The following STRBP variants were observed in gnomAD, a reference collection of about 807,000 sequenced individuals.
The protein encoded by STRBP is spermatid perinuclear RNA binding protein.
STRBP carries 13 observed loss-of-function variants against 80.1 expected under a neutral mutation model. That is an observed-to-expected ratio of 0.16 (90% confidence interval 0.11 to 0.26). The LOEUF is 0.26. Among genes scored for constraint, STRBP ranks in the 10% least tolerant of loss-of-function variants. The pLI is 1.00. For missense variants in STRBP, 485 were observed against 815.2 expected, an observed-to-expected ratio of 0.59 and a Z score of 4.93; for synonymous variants, 284 against 291.2, an observed-to-expected ratio of 0.98 and a Z score of 0.25.
At position 123,147,696 on chromosome 9, in the gene STRBP, A is replaced by AC. The variant is rs1224197763; in HGVS notation, c.1138+81_1138+82insG. On this transcript the variant is annotated intron_variant, in intron 12 of 18. Transcript: ENST00000348403. ...CGATCTCAAAAAAAAAAAAAAAAAAAAAACCCTTCACTTTTAATTTTTCTA... is the reference window on the plus strand; with the variant it reads ...CGATCTCAAAAAAAAAAAAAAAAAAACAAACCCTTCACTTTTAATTTTTCTA... The AC allele has an allele frequency of 1.3e-4, 145 of 1,158,496 alleles. No homozygotes were observed. In the East Asian group the frequency reaches 3.9e-3, roughly 31 times the overall value. 71.8% of individuals were successfully genotyped at this position (1,158,496 alleles called of 1,614,324 possible).
intron 17 of STRBP, 57 bp from the exon 18 acceptor site, chr9:123,128,315 C>G: frequency 6.2e-7 from 1 of 1,601,642 alleles, no homozygotes; most frequent in African/African-American, 1.3e-5. Context: ...TCATCACTGG[C>G]CCAATTCACA....
intron 2 of STRBP, among the ~76,000 whole-genome samples, chr9:123,222,165 T>C (rs775523752): frequency 7.3e-5 from 11 of 151,364 alleles, no homozygotes; most frequent in African/African-American, 1.7e-4. Context: ...TATGAAATCA[T>C]GGCAGTGTTT....
chr9:123,207,781 A>G (rs1588102672), intron 2 of STRBP, among the ~76,000 whole-genome samples: 2 of 147,346 alleles, frequency 1.4e-5, no homozygotes, highest in Admixed American at 6.7e-5. Context: ...CACATAATAC[A>G]TATCTGAGCT....
chr9:123,250,693 C>A (rs1468788813), intron 1 of STRBP, among the ~76,000 whole-genome samples: 1 of 152,178 alleles, frequency 6.6e-6, no homozygotes, highest in Non-Finnish European at 1.5e-5. Context: ...AAATGTTTTG[C>A]ACTCATTTTG....
At chr9:123,227,374 T>A (rs573835002) in intron 2 of STRBP, among the ~76,000 whole-genome samples, 1 of 151,948 alleles carries the variant, frequency 6.6e-6, no homozygotes, top group Non-Finnish European at 1.5e-5. Context: ...ACACACCTGT[T>A]TGAAGAAGAG....
At chr9:123,266,589 A>G (rs922405623) in intron 1 of STRBP, among the ~76,000 whole-genome samples, 2 of 151,580 alleles carry the variant, frequency 1.3e-5, no homozygotes, top group African/African-American at 2.4e-5. Flanking sequence ...AAGTGTTCCA[A>G]TCTCTCCCCA....
chr9:123,168,340 T>C (rs1383738180), intron 6 of STRBP: 3 of 300,878 alleles, frequency 1.0e-5, no homozygotes, highest in East Asian at 1.7e-4. Context: ...TTTTAATGCA[T>C]AGGCATAAGC....
chr9:123,152,972 TATC>T (rs1482494961), intron 11 of STRBP, among the ~76,000 whole-genome samples: 1 of 152,164 alleles, frequency 6.6e-6, no homozygotes, highest in Non-Finnish European at 1.5e-5. Context: ...GATCTCTCCT[TATC>T]ATCTTTGCAA....
chr9:123,173,005 G>C (rs1044685009), intron 5 of STRBP, among the ~76,000 whole-genome samples: 3 of 152,098 alleles, frequency 2.0e-5, no homozygotes, highest in African/African-American at 2.4e-5. Flanking sequence ...AACTGAAGAT[G>C]ATCACAGACT....
At chr9:123,137,769 TC>T (rs1351299650) in intron 14 of STRBP, among the ~76,000 whole-genome samples, 1 of 152,174 alleles carries the variant, frequency 6.6e-6, no homozygotes, top group Non-Finnish European at 1.5e-5. Context: ...AGTAAAGTAT[TC>T]CGTGCAGTTT....
intron 2 of STRBP, among the ~76,000 whole-genome samples, chr9:123,192,140 C>G (rs2038946824): frequency 6.6e-6 from 1 of 152,126 alleles, no homozygotes; most frequent in South Asian, 2.1e-4. Context: ...AGAAATTCAG[C>G]TTTGGACATG....
In STRBP at chr9:123,121,980, G is replaced by T; in HGVS notation, c.*3617C>A. ...ACACACACACACACACACACTTAGT[G>T]TAAGTGAAATGTCTGTCTTGAGTAA... On this transcript the variant is annotated 3_prime_UTR_variant, in exon 19 of 19. Transcript: ENST00000348403. 5.3e-6 allele frequency: 1 copy of T among 190,262 alleles called. No individual in the cohort carries two copies. Among genetic ancestry groups the T allele is most frequent in the Admixed American group, 5.7e-5 (1 of 17,604 alleles). 11.8% of individuals were successfully genotyped at this position (190,262 alleles called of 1,614,324 possible).
chr9:123,231,547 TA>T lies in STRBP; in HGVS notation c.-165+5282del, dbSNP rs1312744159. ...CTCCCATATTTCTTATCTTGGCTAGTATACCAATTAATCCAGTTACTCAAGT... is the reference window on the plus strand; with the variant it reads ...CTCCCATATTTCTTATCTTGGCTAGTTACCAATTAATCCAGTTACTCAAGT... On this transcript the variant is annotated intron_variant, in intron 2 of 18. Transcript: ENST00000348403. 5.3e-5 allele frequency among the ~76,000 whole-genome samples: 8 copies of T among 152,220 alleles called. No individual in the cohort carries two copies. In the East Asian group the frequency reaches 1.5e-3, roughly 29 times the overall value.
chr9:123,205,982 A>T (rs527491135), intron 2 of STRBP, among the ~76,000 whole-genome samples: 1 of 152,324 alleles, frequency 6.6e-6, no homozygotes, highest in African/African-American at 2.4e-5. Context: ...CAAAAGAAGA[A>T]TCTAAGACAG....
chr9:123,173,918 G>T, intron 4 of STRBP, 76 bp from the exon 5 acceptor site: 1 of 1,461,782 alleles, frequency 6.8e-7, no homozygotes, highest in Non-Finnish European at 9.2e-7. Context: ...TTGGCTTCCT[G>T]AATACTCTTA....
chr9:123,251,658 C>T (rs886943834), intron 1 of STRBP, among the ~76,000 whole-genome samples: 2 of 152,204 alleles, frequency 1.3e-5, no homozygotes, highest in Non-Finnish European at 1.5e-5. Context: ...TCTTAGATTG[C>T]AATTCATCAC....
chr9:123,164,282 G>A (rs925165199), intron 6 of STRBP, among the ~76,000 whole-genome samples: 7 of 152,046 alleles, frequency 4.6e-5, no homozygotes, highest in African/African-American at 1.4e-4. Flanking sequence ...CCTGACCTCA[G>A]GTGATCTGCC....
chr9:123,166,894 C>T (rs1316394010), intron 6 of STRBP, among the ~76,000 whole-genome samples: 2 of 152,082 alleles, frequency 1.3e-5, no homozygotes, highest in African/African-American at 4.8e-5. Context: ...TTCTACAGGG[C>T]GTTCAAGTAA....
chr9:123,188,056 ACT>A (rs1025512881), intron 2 of STRBP, among the ~76,000 whole-genome samples: 1 of 151,798 alleles, frequency 6.6e-6, no homozygotes, highest in African/African-American at 2.4e-5. Context: ...CTTAGTAACC[ACT>A]AAGTTTTTTC....
Sources: gnomAD v4.1 joint callset for allele counts (sites outside exome capture counted in the v4.1 genomes callset) on GRCh38, gnomAD v4.1.1 for gene constraint, MANE v1.5 for transcripts, NCBI Gene and HGNC (gene_info 2026-07-23, HGNC 2026-07-21) for gene names.